CAPN1: variants seen among roughly 807,000 people sequenced by gnomAD.
CAPN1 encodes calpain 1, also known as calpain-1 catalytic subunit.
A neutral mutation model predicts 105.2 loss-of-function variants in CAPN1; 77 were observed. The observed-to-expected ratio is 0.73, with a 90% CI of 0.61 to 0.88. The LOEUF (loss-of-function observed/expected upper bound fraction) is 0.88. Among genes scored for constraint, CAPN1 ranks in the 40% least tolerant of loss-of-function variants. The pLI, the probability that CAPN1 is intolerant of heterozygous loss-of-function variation, is 0.00. For missense variants in CAPN1, 833 were observed against 976.6 expected (o/e 0.85, Z 1.96); for synonymous variants, 355 against 388.8 (o/e 0.91, Z 1.02).
In CAPN1 at chr11:65,211,590, T is replaced by C. The variant is rs552659092; in HGVS notation, c.*304T>C. ...GGGACAGCCCCGGGTTTCCCCAGCA[T>C]CCTGATGTGTCCCCTCTCCCCACTT... On this transcript the variant is annotated 3_prime_UTR_variant, in exon 22 of 22. Coordinates refer to ENST00000279247, the MANE Select transcript of CAPN1 (RefSeq NM_005186.4). The C allele has an allele frequency of 1.9e-6, 1 of 529,150 alleles. No individual in the cohort carries two copies. The highest frequency in any genetic ancestry group is 2.3e-5 in the South Asian group (1 of 43,494). 32.8% of individuals were successfully genotyped at this position (529,150 alleles called of 1,614,324 possible). A position where few individuals can be genotyped will look rare whatever the true frequency, so the allele number is the denominator to read the frequency against.
rs1367779589 is a variant in CAPN1, at chr11:65,210,521, A to G, written c.2059+69A>G. On this transcript the variant is annotated intron_variant, in intron 20 of 21. Coordinates refer to ENST00000279247, the MANE Select transcript of CAPN1 (RefSeq NM_005186.4). This position sits in a 1 kb window ranked among gnomAD's most constrained non-coding sequence, Gnocchi z 4.3. ...ACGCGTCCCCCAGGAGCTGGGGGGA[A>G]TGACAGATGGGTGAATTAGCAGATA... 5 of 935,060 alleles carry G rather than the reference A, an allele frequency of 5.3e-6. No homozygotes were observed. The highest frequency in any genetic ancestry group is 2.6e-5 in the East Asian group (1 of 39,022). The allele number at this position is 935,060 out of a possible 1,614,324, so 57.9% of individuals were successfully genotyped here. A position where few individuals can be genotyped will look rare whatever the true frequency, so the allele number is the denominator to read the frequency against.
Position 65,186,257 on chromosome 11 carries a change from G to A in CAPN1, c.678G>A (p.Glu226=). Residue 226 remains glutamate (E), a synonymous_variant, in exon 6 of 22, where the codon GAG becomes GAA. Transcript: ENST00000279247. ...CAGGCGGGGTTACCGAGTGGTACGAGTTGCGCAAGGCTCCCAGTGACCTCT... is the reference window on the plus strand; with the variant it reads ...CAGGCGGGGTTACCGAGTGGTACGAATTGCGCAAGGCTCCCAGTGACCTCT... ...DFTGGVTEWY[E]LRKAPSDLYQ... The A allele has an allele frequency of 6.2e-7, 1 of 1,613,594 alleles. No homozygotes were observed. The highest frequency in any genetic ancestry group is 8.5e-7 in the Non-Finnish European group (1 of 1,179,724).
At position 65,188,756 on chromosome 11, in the gene CAPN1, G is replaced by A. The variant is rs1372004962; in HGVS notation, c.1165+10G>A. 9 of 1,551,932 alleles carry A rather than the reference G, an allele frequency of 5.8e-6. No homozygotes were observed. Among genetic ancestry groups the A allele is most frequent in the East Asian group, 2.4e-5 (1 of 40,976 alleles). On this transcript the variant is annotated intron_variant, in intron 10 of 21. Coordinates refer to ENST00000279247, the MANE Select transcript of CAPN1 (RefSeq NM_005186.4). The surrounding 1 kb of genome is among the most constrained non-coding windows in gnomAD (Gnocchi z 5.5). ...TGCCGAAACTACCCAGGTGCACAGGGGCGGGCTCTGGGTCTTGCTGCTTCC... is the reference window on the plus strand; with the variant it reads ...TGCCGAAACTACCCAGGTGCACAGGAGCGGGCTCTGGGTCTTGCTGCTTCC...
chr11:65,200,099 G>A (rs369253731), intron 10 of CAPN1, among the ~76,000 whole-genome samples: 21 of 152,236 alleles, frequency 1.4e-4, no homozygotes, highest in Non-Finnish European at 2.6e-4. Flanking sequence ...GCTCCGGCTG[G>A]AGTGCAATGG....
At chr11:65,198,302 G>A (rs953359163) in intron 10 of CAPN1, among the ~76,000 whole-genome samples, 6 of 151,952 alleles carry the variant, frequency 3.9e-5, no homozygotes, top group Non-Finnish European at 7.4e-5. Context: ...ACACCACCAT[G>A]CCTGGCTAAT....
At position 65,209,974 on chromosome 11, in the gene CAPN1, G is replaced by A; in HGVS notation, c.1864-44G>A. 1 of 1,611,604 alleles carries A rather than the reference G, an allele frequency of 6.2e-7. No individual in the cohort carries two copies. The highest frequency in any genetic ancestry group is 8.5e-7 in the Non-Finnish European group (1 of 1,178,280). Reference sequence around the variant, plus strand: ...GGTGCGGGCCGGGCAGGTGGGAAGGGCCGGGTGACTCAGCCTGGCCCTCAC... The same window carrying A: ...GGTGCGGGCCGGGCAGGTGGGAAGGACCGGGTGACTCAGCCTGGCCCTCAC... On this transcript the variant is annotated intron_variant, in intron 18 of 21. Transcript: ENST00000279247. This position sits in a 1 kb window ranked among gnomAD's most constrained non-coding sequence, Gnocchi z 4.1.
chr11:65,211,141 A>G (rs1405716515), intron 21 of CAPN1, 119 bp from the exon 22 acceptor site: 1 of 1,146,402 alleles, frequency 8.7e-7, no homozygotes, highest in East Asian at 2.5e-5. Context: ...TAACCCCTCC[A>G]TGAGGTTCCT....
At chr11:65,187,185 A>G in intron 6 of CAPN1, 30 bp from the exon 7 acceptor site, 2 of 1,575,768 alleles carry the variant, frequency 1.3e-6, no homozygotes, top group Non-Finnish European at 1.7e-6. Context: ...GGACCTAGCC[A>G]CTGACCACAG....
chr11:65,204,160 G>C (rs678343), intron 10 of CAPN1, among the ~76,000 whole-genome samples: 111,424 of 152,080 alleles, frequency 0.73, 41,672 homozygotes, highest in Middle Eastern at 0.86. Context: ...GCAGTCACAT[G>C]CCTCCTCGCT....
Position 65,206,683 on chromosome 11 carries a change from TG to T in CAPN1, c.1565+11del. On this transcript the variant is annotated intron_variant, in intron 13 of 21. Coordinates refer to ENST00000279247, the MANE Select transcript of CAPN1 (RefSeq NM_005186.4). ...AAGAGTGCTGGGACTGTGTGAGTCATGGACTGGCCCCTGCCACTCTCCCCTC... is the reference window on the plus strand; with the variant it reads ...AAGAGTGCTGGGACTGTGTGAGTCATGACTGGCCCCTGCCACTCTCCCCTC... The T allele has an allele frequency of 6.2e-7, 1 of 1,612,226 alleles. No individual in the cohort carries two copies. Among genetic ancestry groups the T allele is most frequent in the Non-Finnish European group, 8.5e-7 (1 of 1,179,102 alleles).
In CAPN1 at chr11:65,187,262, G is replaced by T. The variant is rs1259056274; in HGVS notation, c.807G>T (p.Val269=). ...DMEAITFKKL[V]KGHAYSVTGA... ...AGGCCATCACTTTCAAGAAGTTGGT[G>T]AAGGGCCATGCCTACTCTGTGACCG... Residue 269 remains valine (V), a synonymous_variant, in exon 7 of 22, where the codon GTG becomes GTT. Coordinates refer to ENST00000279247, the MANE Select transcript of CAPN1 (RefSeq NM_005186.4). The T allele has an allele frequency of 1.2e-6, 2 of 1,613,386 alleles. No homozygotes were observed. Among genetic ancestry groups the T allele is most frequent in the Middle Eastern group, 1.6e-4 (1 of 6,062 alleles).
In CAPN1 at chr11:65,210,713, G is replaced by C; in HGVS notation, c.2060-101G>C. 4.2e-6 allele frequency: 4 copies of C among 948,474 alleles called. No individual in the cohort carries two copies. Among genetic ancestry groups the C allele is most frequent in the South Asian group, 2.6e-5 (2 of 76,778 alleles). 58.8% of individuals were successfully genotyped at this position (948,474 alleles called of 1,614,324 possible). A position where few individuals can be genotyped will look rare whatever the true frequency, so the allele number is the denominator to read the frequency against. ...AGGGGTGTCAGCTTGCGGTACTGTG[G>C]GGAGGTAGAGAGGGACCAGGCAGGA... On this transcript the variant is annotated intron_variant, in intron 20 of 21. Transcript: ENST00000279247. The surrounding 1 kb of genome is among the most constrained non-coding windows in gnomAD (Gnocchi z 4.3).
At position 65,182,413 on chromosome 11, in the gene CAPN1, GC is replaced by G. The variant is rs1948551782; in HGVS notation, c.-1-284del. On this transcript the variant is annotated intron_variant, in intron 1 of 21. Transcript: ENST00000279247. ...TTGTGCTGTCTGGAGGCTCCGCCCT[GC>G]CCCACCTGACCTGCTGGCTCACTAC... 3 of 397,228 alleles carry G rather than the reference GC, an allele frequency of 7.6e-6. No individual in the cohort carries two copies. The South Asian group carries it at 1.5e-4, about 19-fold the overall frequency. 24.6% of individuals were successfully genotyped at this position (397,228 alleles called of 1,614,324 possible).
intron 10 of CAPN1, among the ~76,000 whole-genome samples, chr11:65,196,413 C>T (rs377305513): frequency 1.6e-4 from 25 of 151,720 alleles, no homozygotes; most frequent in Admixed American, 4.6e-4. Context: ...ATTTTGATAA[C>T]GTATACAATG....
intron 10 of CAPN1, among the ~76,000 whole-genome samples, chr11:65,200,800 T>C (rs1948857323): frequency 6.6e-6 from 1 of 151,582 alleles, no homozygotes; most frequent in Non-Finnish European, 1.5e-5. Flanking sequence ...CCCAGCTAAC[T>C]TCTTACATTT....
rs772374106 is a variant in CAPN1, at chr11:65,211,297, C to G, written c.*11C>G. ...ACCATGTTTGCATGAGGCAGGGACT[C>G]GGTCCCCCTTGCCGTGCTCCCCTCC... On this transcript the variant is annotated 3_prime_UTR_variant, in exon 22 of 22. Coordinates refer to ENST00000279247, the MANE Select transcript of CAPN1 (RefSeq NM_005186.4). The G allele has an allele frequency of 1.2e-5, 19 of 1,611,864 alleles. No individual in the cohort carries two copies. Among genetic ancestry groups the G allele is most frequent in the African/African-American group, 2.7e-5 (2 of 74,888 alleles).
chr11:65,186,867 G>A (rs17146724), intron 6 of CAPN1, among the ~76,000 whole-genome samples: 16,888 of 152,162 alleles, frequency 0.11, 1,048 homozygotes, highest in East Asian at 0.23. Flanking sequence ...GTCCTTCTCC[G>A]TGAGGCCCAC....
intron 10 of CAPN1, among the ~76,000 whole-genome samples, chr11:65,198,335 TG>T (rs1175819855): frequency 6.6e-6 from 1 of 152,004 alleles, no homozygotes; most frequent in African/African-American, 2.4e-5. Flanking sequence ...TTGGTAGAGA[TG>T]GGGTTTTGCT....
At chr11:65,187,415 C>T (rs1948650608) in intron 7 of CAPN1, 117 bp downstream of exon 7, 1 of 686,932 alleles carries the variant, frequency 1.5e-6, no homozygotes, top group Non-Finnish European at 2.6e-6. Context: ...TCCCCTCCTG[C>T]AGCACCTTAT....
Sources: allele counts gnomAD v4.1 joint callset (sites outside exome capture counted in the v4.1 genomes callset), GRCh38; gene constraint gnomAD v4.1.1; non-coding constraint Gnocchi (gnomAD v3.1); transcripts MANE v1.5; gene names NCBI Gene and HGNC (gene_info 2026-07-23, HGNC 2026-07-21).